TCF7: variants seen among roughly 807,000 people sequenced by gnomAD.
TCF7 encodes the protein T-cell-factor-7.
In TCF7, 19 loss-of-function variants were observed where a neutral mutation model predicts 46.8. That is an observed-to-expected ratio of 0.41 (90% CI 0.28 to 0.60). The LOEUF is 0.60. Among genes scored for constraint, TCF7 ranks in the 20% least tolerant of loss-of-function variants. The pLI is 0.35. For synonymous variants in TCF7, 245 were observed against 213.4 expected (o/e 1.15, Z -1.29); for missense variants, 547 against 504.6 (o/e 1.08, Z -0.81).
At chr5:134,115,284 C>T in intron 1 of TCF7, 37 bp from the exon 2 acceptor site, 1 of 1,514,496 alleles carries the variant, frequency 6.6e-7, no homozygotes, top group Non-Finnish European at 8.9e-7. Flanking sequence ...CCCCCGCGGT[C>T]CCACCGCCCC....
At chr5:134,139,151 G>C (rs886838299) in intron 5 of TCF7, 113 bp downstream of exon 5, 2 of 1,473,618 alleles carry the variant, frequency 1.4e-6, no homozygotes, top group Admixed American at 4.3e-5. Flanking sequence ...TGCCAGCTCT[G>C]TTTAGATGCC....
chr5:134,111,473 GTCTA>G (rs1262433438), upstream of TCF7, among the ~76,000 whole-genome samples: 1 of 152,140 alleles, frequency 6.6e-6, no homozygotes, highest in African/African-American at 2.4e-5. Flanking sequence ...GAACCCCAGT[GTCTA>G]TCATCTGTGT....
upstream of TCF7, among the ~76,000 whole-genome samples, chr5:134,110,685 C>A (rs935049548): frequency 3.3e-5 from 5 of 152,196 alleles, no homozygotes; most frequent in Admixed American, 2.0e-4. Context: ...GGATGCCAGG[C>A]GGGCTGGTGA....
At chr5:134,137,330 A>G (rs1759015708) in intron 3 of TCF7, among the ~76,000 whole-genome samples, 1 of 149,546 alleles carries the variant, frequency 6.7e-6, no homozygotes, top group Non-Finnish European at 1.5e-5. Context: ...AAGCTGAGTC[A>G]GGAGAATCGC....
At chr5:134,130,137 G>A (rs914796418) in intron 3 of TCF7, among the ~76,000 whole-genome samples, 4 of 152,234 alleles carry the variant, frequency 2.6e-5, no homozygotes, top group Non-Finnish European at 4.4e-5. Flanking sequence ...GAGCAGGGGC[G>A]CCTCCAGCCT....
At chr5:134,145,582 T>C in intron 9 of TCF7, 1 of 737,232 alleles carries the variant, frequency 1.4e-6, no homozygotes, top group Non-Finnish European at 2.2e-6. Flanking sequence ...GTAAGGCCAC[T>C]GGCTCTAAGG....
At chr5:134,109,226 T>G in the TCF7 span, among the ~76,000 whole-genome samples, 4 of 152,224 alleles carry the variant, frequency 2.6e-5, no homozygotes, top group African/African-American at 4.8e-5. Flanking sequence ...AACAAAGCCC[T>G]GTATAGCCCT....
chr5:134,131,357 T>C (rs147901522), intron 3 of TCF7, among the ~76,000 whole-genome samples: 1 of 152,380 alleles, frequency 6.6e-6, no homozygotes, highest in Non-Finnish European at 1.5e-5. Context: ...GTGGCATTTA[T>C]GTTACTCAGT....
chr5:134,145,426 T>C, intron 9 of TCF7: 1 of 557,222 alleles, frequency 1.8e-6, no homozygotes, highest in Non-Finnish European at 3.5e-6. Context: ...TACCCTGGGC[T>C]GTCTGAGGGA....
chr5:134,134,983 T>C (rs888735687), intron 3 of TCF7, among the ~76,000 whole-genome samples: 2 of 152,170 alleles, frequency 1.3e-5, no homozygotes, highest in East Asian at 3.9e-4. Flanking sequence ...AGACAGCATC[T>C]CACTCTGTCA....
At chr5:134,110,569 T>C (rs974770716), upstream of TCF7, among the ~76,000 whole-genome samples, 4 of 152,204 alleles carry the variant, frequency 2.6e-5, no homozygotes, top group African/African-American at 9.6e-5. Context: ...ACAGTCTACC[T>C]CTAGGACCTG....
upstream of TCF7, among the ~76,000 whole-genome samples, chr5:134,110,431 A>C (rs1755313840): frequency 1.3e-5 from 2 of 152,256 alleles, no homozygotes. Context: ...GCATCCCAGC[A>C]ATTGTGTGTG....
chr5:134,121,321 T>C (rs1756548248), intron 3 of TCF7, among the ~76,000 whole-genome samples: 1 of 151,342 alleles, frequency 6.6e-6, no homozygotes, highest in East Asian at 1.9e-4. Context: ...CGGTGGCTCA[T>C]GCCTGTAATC....
Position 134,146,335 on chromosome 5 carries a change from AC to A in TCF7, c.*35del, listed in dbSNP as rs766302751. 179 of 1,611,934 alleles carry A rather than the reference AC, an allele frequency of 1.1e-4. No homozygotes were observed. The highest frequency in any genetic ancestry group is 1.6e-4 in the Middle Eastern group (1 of 6,082). Reference sequence around the variant, plus strand: ...CCGGGTCCCCAGCTCCCCAGGACTCACCCTCATACCATCTGCTGCCCCGCTT... The same window carrying A: ...CCGGGTCCCCAGCTCCCCAGGACTCACCTCATACCATCTGCTGCCCCGCTT... On this transcript the variant is annotated 3_prime_UTR_variant, in exon 10 of 10. Transcript: ENST00000342854.
intron 3 of TCF7, 75 bp downstream of exon 3, chr5:134,116,108 G>A: frequency 6.6e-7 from 1 of 1,520,228 alleles, no homozygotes; most frequent in Non-Finnish European, 8.8e-7. Flanking sequence ...ACCGGCAAGA[G>A]ACTTCTGCCT....
At chr5:134,117,737 A>G (rs1386242051) in intron 3 of TCF7, among the ~76,000 whole-genome samples, 1 of 152,054 alleles carries the variant, frequency 6.6e-6, no homozygotes, top group Non-Finnish European at 1.5e-5. Flanking sequence ...TGGGTCATTT[A>G]TTTTTCACCT....
chr5:134,145,117 C>CTCAA lies in TCF7; in HGVS notation c.1076-1106_1076-1103dup, dbSNP rs1484264956. 6 of 642,488 alleles carry CTCAA rather than the reference C, an allele frequency of 9.3e-6. No individual in the cohort carries two copies. The African/African-American group carries it at 1.1e-4, about 12-fold the overall frequency. The allele number at this position is 642,488 out of a possible 1,614,324, so 39.8% of individuals were successfully genotyped here. ...GAATGTTCCAGAAAGGAAGGACAGA[C>CTCAA]TCAAGAAGGCAGCTCTGATGCCAGT... On this transcript the variant is annotated intron_variant, in intron 9 of 9. Coordinates refer to ENST00000342854, the MANE Select transcript of TCF7 (RefSeq NM_003202.5).
chr5:134,126,583 A>G (rs915342198), intron 3 of TCF7, among the ~76,000 whole-genome samples: 1 of 152,240 alleles, frequency 6.6e-6, no homozygotes, highest in Non-Finnish European at 1.5e-5. Flanking sequence ...GGCCTATGCC[A>G]GGGGCTTTTA....
rs368119232 is a variant in TCF7, at chr5:134,146,312, G to A, written c.*9G>A. The A allele has an allele frequency of 1.6e-5, 26 of 1,613,884 alleles. No homozygotes were observed. Among genetic ancestry groups the A allele is most frequent in the Middle Eastern group, 1.6e-4 (1 of 6,084 alleles). On this transcript the variant is annotated 3_prime_UTR_variant, in exon 10 of 10. Transcript: ENST00000342854. The stretch of plus-strand genomic sequence containing the variant: ...CGATGACAGTGCTCTAGGCTGCCCC[G>A]GGTCCCCAGCTCCCCAGGACTCACC...
Sources: allele counts gnomAD v4.1 joint callset (sites outside exome capture counted in the v4.1 genomes callset), GRCh38; gene constraint gnomAD v4.1.1; transcripts MANE v1.5; gene names NCBI Gene and HGNC (gene_info 2026-07-23, HGNC 2026-07-21).